CNKSR2: variants seen among roughly 807,000 people sequenced by gnomAD.
CNKSR2 encodes CNK homolog protein 2.
CNKSR2 carries 14 observed loss-of-function variants against 84.4 expected under a neutral mutation model. The ratio of observed to expected loss-of-function variants is 0.17; its 90% confidence interval spans 0.11 to 0.26. CNKSR2 has a LOEUF of 0.26. Among genes scored for constraint, CNKSR2 ranks in the 10% least tolerant of loss-of-function variants. The probability of loss-of-function intolerance (pLI) is 1.00; values close to 1 mark genes in which losing one functional copy is unlikely to be tolerated. For synonymous variants in CNKSR2, 275 were observed against 277.9 expected, an observed-to-expected ratio of 0.99 and a Z score of 0.10; for missense variants, 485 against 771.2, an observed-to-expected ratio of 0.63 and a Z score of 4.40.
At chrX:21,520,536 T>G (rs1321730256) in intron 9 of CNKSR2, among the ~76,000 whole-genome samples, 2 of 110,273 alleles carry the variant, frequency 1.8e-5, no homozygotes, top group African/African-American at 3.3e-5. Context: ...ATGTTTGTGG[T>G]TTTAAATTAA....
At chrX:21,530,735 G>T (rs2091878311) in intron 10 of CNKSR2, among the ~76,000 whole-genome samples, 2 of 110,953 alleles carry the variant, frequency 1.8e-5, no homozygotes, top group Non-Finnish European at 3.8e-5. Flanking sequence ...TCATGTTCTA[G>T]AAGACAAGCT....
Position 21,532,026 on chromosome X carries a change from G to C in CNKSR2, c.1262G>C (p.Arg421Thr). 1 of 1,204,398 alleles carries C rather than the reference G, an allele frequency of 8.3e-7. No homozygotes were observed. Among genetic ancestry groups the C allele is most frequent in the Non-Finnish European group, 1.1e-6 (1 of 889,985 alleles). Residue 421 changes from arginine (R) to threonine (T), a missense_variant, in exon 11 of 22, where the codon AGA becomes ACA. By Grantham distance (71) the Arg-to-Thr change is moderately conservative. Around this residue, in one of 5 missense-constraint regions of CNKSR2, gnomAD observed 132 missense variants for 166.7 expected, o/e 0.79. Coordinates refer to ENST00000379510, the MANE Select transcript of CNKSR2 (RefSeq NM_014927.5). ...TATTGCTATGAATATGAAAAAGGAAGATCAAGTAGTCAAGGAAGACGAGAA... is the reference window on the plus strand; with the variant it reads ...TATTGCTATGAATATGAAAAAGGAACATCAAGTAGTCAAGGAAGACGAGAA... ...VLYCYEYEKG[R>T]SSSQGRREST...
chrX:21,621,768 T>C (rs775740899), intron 20 of CNKSR2, among the ~76,000 whole-genome samples: 1 of 111,020 alleles, frequency 9.0e-6, no homozygotes, highest in Non-Finnish European at 1.9e-5. Flanking sequence ...CCCTTCCAAC[T>C]TAGAGATACT....
At chrX:21,482,375 G>A (rs960430187) in intron 5 of CNKSR2, among the ~76,000 whole-genome samples, 1 of 104,600 alleles carries the variant, frequency 9.6e-6, no homozygotes, top group Non-Finnish European at 1.9e-5. Context: ...CATGAACTTT[G>A]TTGTGTGACA....
chrX:21,595,454 A>G (rs1464919911), intron 17 of CNKSR2, 59 bp downstream of exon 17: 8 of 661,343 alleles, frequency 1.2e-5, no homozygotes, highest in Non-Finnish European at 1.9e-5. Context: ...AATTTTCTAC[A>G]GTAATTCTTA....
rs1180418451 is a variant in CNKSR2, at chrX:21,612,198, A to G, written c.2692+2581A>G. On this transcript the variant is annotated intron_variant, in intron 20 of 21. Coordinates refer to ENST00000379510, the MANE Select transcript of CNKSR2 (RefSeq NM_014927.5). ...TCATGTTCATGGCTTCCCTGGATTG[A>G]CCATTAGGAGTAAGTACTCAGGCTG... 2.7e-5 allele frequency among the ~76,000 whole-genome samples: 3 copies of G among 112,152 alleles called. No homozygotes were observed. The Admixed American group carries it at 2.8e-4, about 11-fold the overall frequency.
At chrX:21,478,276 G>T (rs1394454195) in intron 5 of CNKSR2, among the ~76,000 whole-genome samples, 1 of 111,277 alleles carries the variant, frequency 9.0e-6, no homozygotes, top group East Asian at 2.8e-4. Context: ...CACTTTGGTG[G>T]TTAATTGCAT....
At chrX:21,568,377 G>A (rs754269807) in intron 13 of CNKSR2, among the ~76,000 whole-genome samples, 1 of 111,939 alleles carries the variant, frequency 8.9e-6, no homozygotes, top group African/African-American at 3.2e-5. Context: ...ATAGATTCAA[G>A]CAGTATGTAG....
At chrX:21,394,271 A>C (rs181050848) in intron 1 of CNKSR2, among the ~76,000 whole-genome samples, 1 of 111,902 alleles carries the variant, frequency 8.9e-6, no homozygotes, top group East Asian at 2.8e-4. Flanking sequence ...CCAGTTTAGA[A>C]ATAAATTACT....
At chrX:21,635,078 A>G (rs909083318) in intron 20 of CNKSR2, among the ~76,000 whole-genome samples, 1 of 108,347 alleles carries the variant, frequency 9.2e-6, no homozygotes, top group African/African-American at 3.3e-5. Flanking sequence ...AAGTAAGTGA[A>G]ATGTTAAATT....
At chrX:21,646,149 G>C (rs547766394) in intron 20 of CNKSR2, among the ~76,000 whole-genome samples, 3 of 111,254 alleles carry the variant, frequency 2.7e-5, no homozygotes, top group African/African-American at 9.8e-5. Flanking sequence ...GATGGGGGCA[G>C]GGGGTGGCTT....
chrX:21,495,850 C>G (rs759236296), intron 6 of CNKSR2, among the ~76,000 whole-genome samples: 1 of 76,585 alleles, frequency 1.3e-5, no homozygotes, highest in African/African-American at 5.2e-5. Flanking sequence ...CTAGCTCTTA[C>G]AAATGTGCAG....
At chrX:21,492,226 C>T (rs2091449416) in intron 6 of CNKSR2, 1 of 111,211 alleles carries the variant, frequency 9.0e-6, no homozygotes, top group African/African-American at 3.3e-5. Context: ...TTTATGAAAT[C>T]TTGATTTTTT....
At chrX:21,433,242 A>ATGTC (rs1312294321) in intron 3 of CNKSR2, among the ~76,000 whole-genome samples, 2 of 111,607 alleles carry the variant, frequency 1.8e-5, no homozygotes, top group Non-Finnish European at 3.8e-5. Context: ...CATGCCTTGT[A>ATGTC]TGTCTCCTTG....
At chrX:21,469,956 A>G (rs772424465) in intron 4 of CNKSR2, among the ~76,000 whole-genome samples, 1 of 112,292 alleles carries the variant, frequency 8.9e-6, no homozygotes, top group East Asian at 2.8e-4. Flanking sequence ...CATGGTTAAA[A>G]TGTATTTATC....
chrX:21,462,348 G>A (rs1291446162), intron 4 of CNKSR2, among the ~76,000 whole-genome samples: 2 of 111,802 alleles, frequency 1.8e-5, no homozygotes, highest in African/African-American at 6.5e-5. Flanking sequence ...CCGTTGGTAT[G>A]TAGAAATGCT....
chrX:21,404,815 A>G (rs991278245), intron 1 of CNKSR2, among the ~76,000 whole-genome samples: 4 of 103,899 alleles, frequency 3.8e-5, no homozygotes, highest in Non-Finnish European at 5.9e-5. Flanking sequence ...AAAAAAAAGT[A>G]CAATATAAAG....
chrX:21,487,408 T>C (rs1426752310), intron 5 of CNKSR2, among the ~76,000 whole-genome samples: 1 of 111,930 alleles, frequency 8.9e-6, no homozygotes, highest in Non-Finnish European at 1.9e-5. Context: ...GTAAGAAATA[T>C]ACATATGTAT....
chrX:21,575,456 T>G (rs983987400), intron 13 of CNKSR2, among the ~76,000 whole-genome samples: 1 of 111,469 alleles, frequency 9.0e-6, no homozygotes, highest in African/African-American at 3.3e-5. Context: ...CTTTGAAGAT[T>G]TAAAGATTCA....
Sources: allele counts gnomAD v4.1 joint callset (sites outside exome capture counted in the v4.1 genomes callset), GRCh38; gene constraint gnomAD v4.1.1; regional missense constraint gnomAD v4.1.1; transcripts MANE v1.5; gene names NCBI Gene and HGNC (gene_info 2026-07-23, HGNC 2026-07-21).